Variants in NDUFAF6 observed in about 807,000 individuals in gnomAD.
NDUFAF6 encodes the protein NADH dehydrogenase (ubiquinone) complex I, assembly factor 6.
In NDUFAF6, 45 loss-of-function variants were observed where a neutral mutation model predicts 40.8. The ratio of observed to expected loss-of-function variants is 1.10; its 90% CI spans 0.87 to 1.42. The LOEUF (loss-of-function observed/expected upper bound fraction) is 1.42, where lower values mean the gene tolerates loss of function less well. Among genes scored for constraint, NDUFAF6 ranks in the 40% most tolerant of loss-of-function variants. The pLI, the probability that NDUFAF6 is intolerant of heterozygous loss-of-function variation, is 0.00. For missense variants in NDUFAF6, 435 were observed against 418.5 expected (o/e 1.04, Z -0.34); for synonymous variants, 185 against 155.9 (o/e 1.19, Z -1.39).
intron 1 of NDUFAF6, among the ~76,000 whole-genome samples, chr8:94,914,103 C>CTTTTTTTT (rs563687562): frequency 2.0e-4 from 20 of 98,178 alleles, no homozygotes; most frequent in Non-Finnish European, 2.6e-4. Flanking sequence ...GACCTTATCT[C>CTTTTTTTT]TTTTTTTTTT....
chr8:94,953,974 C>T (rs763886225), upstream of NDUFAF6, among the ~76,000 whole-genome samples: 10 of 152,106 alleles, frequency 6.6e-5, no homozygotes, highest in African/African-American at 1.2e-4. Context: ...AGTATCCTTT[C>T]GGGGCCTCTT....
chr8:94,970,471 A>C (rs1170586417), intron 1 of NDUFAF6, among the ~76,000 whole-genome samples: 1 of 151,846 alleles, frequency 6.6e-6, no homozygotes, highest in Non-Finnish European at 1.5e-5. Flanking sequence ...CACAGCTGTA[A>C]TCCCAGTGGC....
chr8:95,047,772 G>A (rs1169173367), intron 6 of NDUFAF6, among the ~76,000 whole-genome samples: 1 of 151,900 alleles, frequency 6.6e-6, no homozygotes, highest in Non-Finnish European at 1.5e-5. Flanking sequence ...GCCTCCCAAA[G>A]TGCTGGGATT....
intron 1 of NDUFAF6, among the ~76,000 whole-genome samples, chr8:94,904,334 T>C (rs1452899393): frequency 2.3e-4 from 17 of 73,782 alleles, no homozygotes; most frequent in Non-Finnish European, 5.0e-4. Flanking sequence ...TTTTTTTTTT[T>C]TTTTTTTTTT....
At chr8:95,064,415 C>A (rs530107356) in intron 9 of NDUFAF6, among the ~76,000 whole-genome samples, 7 of 152,144 alleles carry the variant, frequency 4.6e-5, no homozygotes, top group African/African-American at 1.4e-4. Context: ...ACAACTAACT[C>A]CCATGTGTTC....
chr8:94,941,655 A>G (rs142924981), intron 1 of NDUFAF6, among the ~76,000 whole-genome samples: 1 of 152,352 alleles, frequency 6.6e-6, no homozygotes, highest in East Asian at 1.9e-4. Flanking sequence ...TAGGAAACTG[A>G]GCTTGGCCAA....
chr8:95,111,590 A>G (rs1288714816), intron 4 of NDUFAF6, among the ~76,000 whole-genome samples: 7 of 152,042 alleles, frequency 4.6e-5, no homozygotes, highest in Admixed American at 6.6e-5. Context: ...GTGCCTTGGT[A>G]AGGTGTTGTG....
At chr8:95,107,939 A>G (rs1036669742), downstream of NDUFAF6, among the ~76,000 whole-genome samples, 1 of 152,186 alleles carries the variant, frequency 6.6e-6, no homozygotes, top group Non-Finnish European at 1.5e-5. Flanking sequence ...TCTGGGCCAC[A>G]TGAGTTTGGT....
At chr8:95,037,418 A>T (rs1044099789) in intron 3 of NDUFAF6, among the ~76,000 whole-genome samples, 2 of 152,152 alleles carry the variant, frequency 1.3e-5, no homozygotes, top group African/African-American at 4.8e-5. Flanking sequence ...ATGTGCTAGG[A>T]ATGGTGCTTG....
At chr8:94,955,780 C>T (rs1210520177), upstream of NDUFAF6, among the ~76,000 whole-genome samples, 1 of 152,158 alleles carries the variant, frequency 6.6e-6, no homozygotes, top group Non-Finnish European at 1.5e-5. Flanking sequence ...AAGTAGAAAC[C>T]ACAGAGGTGG....
rs1242904810 is a variant in NDUFAF6, at chr8:94,997,343, C to CACACAG, written c.-84+16371_-84+16372insCACAGA. On this transcript the variant is annotated intron_variant, in intron 2 of 9. Transcript: ENST00000396111. ...ACACACACACACACACACACACACA[C>CACACAG]AGAGAGAGAGAGAGAGAGAGAGACA... is the stretch of plus-strand genomic sequence containing the variant. Among the ~76,000 whole-genome samples, 435 of 90,560 alleles carry CACACAG rather than the reference C, an allele frequency of 4.8e-3. 5 individuals carry two copies. The highest frequency in any genetic ancestry group is 0.011 in the Admixed American group (72 of 6,456). 59.4% of individuals were successfully genotyped at this position (90,560 alleles called of 152,430 possible).
chr8:94,939,957 G>A (rs763535290), intron 1 of NDUFAF6: 1 of 1,614,186 alleles, frequency 6.2e-7, no homozygotes, highest in Non-Finnish European at 8.5e-7. Flanking sequence ...ATGCTGGGAT[G>A]TTCAATGAGA....
intron 1 of NDUFAF6, among the ~76,000 whole-genome samples, chr8:94,941,991 G>T (rs1335100577): frequency 6.6e-6 from 1 of 151,314 alleles, no homozygotes; most frequent in East Asian, 1.9e-4. Context: ...GGAAGCAGCA[G>T]CAGCTGGCAG....
chr8:94,940,248 C>G, intron 1 of NDUFAF6: 1 of 1,575,266 alleles, frequency 6.3e-7, no homozygotes, highest in Non-Finnish European at 8.6e-7. Context: ...TTGCAGTCCA[C>G]ATGTGTTGTT....
At chr8:95,033,787 T>C (rs1829147461) in intron 2 of NDUFAF6, among the ~76,000 whole-genome samples, 1 of 152,102 alleles carries the variant, frequency 6.6e-6, no homozygotes, top group Non-Finnish European at 1.5e-5. Flanking sequence ...GAACAGCGAG[T>C]GCAGTCTCTA....
At chr8:94,918,045 C>T (rs1819253698) in intron 1 of NDUFAF6, among the ~76,000 whole-genome samples, 1 of 152,134 alleles carries the variant, frequency 6.6e-6, no homozygotes, top group South Asian at 2.1e-4. Context: ...TTTCTTAGTT[C>T]CAAGACTTTC....
chr8:94,960,348 G>A (rs1823465479), intron 1 of NDUFAF6, among the ~76,000 whole-genome samples: 1 of 152,160 alleles, frequency 6.6e-6, no homozygotes, highest in Non-Finnish European at 1.5e-5. Context: ...TTTCATCATG[G>A]CAATTTCCAA....
At chr8:95,116,043 C>T (rs1810127087) in intron 5 of NDUFAF6, among the ~76,000 whole-genome samples, 1 of 152,012 alleles carries the variant, frequency 6.6e-6, no homozygotes, top group Non-Finnish European at 1.5e-5. Context: ...GAGGCTGAGG[C>T]GGAAGAATCG....
intron 1 of NDUFAF6, among the ~76,000 whole-genome samples, chr8:94,915,080 C>T (rs1819039562): frequency 6.6e-6 from 1 of 152,044 alleles, no homozygotes; most frequent in African/African-American, 2.4e-5. Context: ...TCCCCCCTCC[C>T]CGCTTTTGGA....
Sources: allele counts gnomAD v4.1 joint callset (sites outside exome capture counted in the v4.1 genomes callset), GRCh38; gene constraint gnomAD v4.1.1; transcripts MANE v1.5; gene names NCBI Gene and HGNC (gene_info 2026-07-23, HGNC 2026-07-21).